Variants in TECPR1 observed in about 807,000 individuals in gnomAD.
The protein encoded by TECPR1 is tectonin beta-propeller repeat containing 1.
TECPR1 carries 122 observed loss-of-function variants against 162.4 expected under a neutral mutation model. That is an observed-to-expected ratio of 0.75 (90% CI 0.65 to 0.87). The LOEUF is 0.87. TECPR1 is among the 40% of genes least tolerant of loss of function. The pLI, the probability that TECPR1 is intolerant of heterozygous loss-of-function variation, is 0.00. For synonymous variants in TECPR1, 642 were observed against 670.6 expected (o/e 0.96, Z 0.66); for missense variants, 1,432 against 1,618.2 (o/e 0.88, Z 1.97).
chr7:98,243,502 G>A lies in TECPR1; in HGVS notation c.622C>T (p.Arg208Cys), dbSNP rs2116621528. The A allele has an allele frequency of 3.7e-6, 6 of 1,612,648 alleles. No individual in the cohort carries two copies. The highest frequency in any genetic ancestry group is 1.7e-4 in the Middle Eastern group (1 of 6,046). ...GWEITEEPVG[R>C]LSVWAVSLQG... ...AGAGACACAGCCCACACTGACAGGC[G>A]GCCCACAGGCTCCTCCGTGATCTCC... is the stretch of plus-strand genomic sequence containing the variant. The change falls in exon 6 of 26, where the codon CGC (arginine) becomes TGC (cysteine). Residue 208 changes from arginine (R) to cysteine (C), a missense_variant. Transcript: ENST00000447648.
chr7:98,224,336 C>T (rs964043505), intron 19 of TECPR1, among the ~76,000 whole-genome samples: 1 of 152,172 alleles, frequency 6.6e-6, no homozygotes, highest in Admixed American at 6.5e-5. Context: ...TGCATCTCTC[C>T]GAGGGGCTCA....
chr7:98,243,750 C>A (rs1022569597), intron 5 of TECPR1, among the ~76,000 whole-genome samples, 158 bp from the exon 6 acceptor site: 7 of 152,184 alleles, frequency 4.6e-5, no homozygotes, highest in African/African-American at 1.7e-4. Flanking sequence ...TGTGGGGGCC[C>A]CTGCCCGGCT....
intron 6 of TECPR1, among the ~76,000 whole-genome samples, chr7:98,242,570 C>A (rs1460847650): frequency 6.6e-6 from 1 of 150,674 alleles, no homozygotes; most frequent in Non-Finnish European, 1.5e-5. Flanking sequence ...ACACACCCAC[C>A]CACCCATCCA....
Position 98,217,498 on chromosome 7 carries a change from G to T in TECPR1, c.3390C>A (p.Gly1130=). 6.2e-7 allele frequency: 1 copy of T among 1,603,576 alleles called. No individual in the cohort carries two copies. The change falls in exon 26 of 26, where the codon GGC becomes GGA. Residue 1130 remains glycine (G), a synonymous_variant. Transcript: ENST00000447648. ...TGGCCCGGACAGAGATATGGTCCCA[G>T]CCTCCCTGGAAGGAGAGAGCTGTGT... ...GHGWDYGIGG[G]WDHISVRANA...
Position 98,232,812 on chromosome 7 carries a change from C to A in TECPR1, c.1818+15G>T, listed in dbSNP as rs767766028. ...AAAAAAAAAAAAATGCATGCGCAGC[C>A]ACCGGGGCACCCACCTGCTCCACGG... On this transcript the variant is annotated intron_variant, in intron 12 of 25. Transcript: ENST00000447648. This position sits in a 1 kb window ranked among gnomAD's most constrained non-coding sequence, Gnocchi z 4.6. The A allele has an allele frequency of 6.4e-7, 1 of 1,557,142 alleles. No homozygotes were observed. Among genetic ancestry groups the A allele is most frequent in the South Asian group, 1.2e-5 (1 of 82,662 alleles).
chr7:98,236,843 A>G lies in TECPR1; in HGVS notation c.1114T>C (p.Trp372Arg). Residue 372 changes from tryptophan to arginine, a missense_variant, in exon 10 of 26, where the codon TGG (tryptophan) becomes CGG (arginine). By Grantham distance (101) the Trp-to-Arg change is moderately radical (BLOSUM62 -3). Transcript: ENST00000447648. The stretch of plus-strand genomic sequence containing the variant: ...TCTCGGGCCGCGATGATGGCTTTCC[A>G]GGTCTTCCCACTGAGCTCGCTGGGG... ...VTPSELSGKT[W>R]KAIIAARECD... 1.3e-6 allele frequency: 2 copies of G among 1,586,228 alleles called. No homozygotes were observed. The highest frequency in any genetic ancestry group is 8.6e-7 in the Non-Finnish European group (1 of 1,169,112).
At chr7:98,237,726 C>G (rs1442314043) in intron 9 of TECPR1, among the ~76,000 whole-genome samples, 1 of 151,934 alleles carries the variant, frequency 6.6e-6, no homozygotes. Flanking sequence ...ACTTCACCCT[C>G]CCAAAGTGCT....
chr7:98,230,638 C>T (rs1362202082), intron 15 of TECPR1, among the ~76,000 whole-genome samples: 1 of 152,126 alleles, frequency 6.6e-6, no homozygotes, highest in Non-Finnish European at 1.5e-5. Context: ...GGTGGAGAGA[C>T]GTGGCTGCTT....
In TECPR1 at chr7:98,232,795, AAAAAT is replaced by A. The variant is rs1798478823; in HGVS notation, c.1818+27_1818+31del. On this transcript the variant is annotated intron_variant, in intron 12 of 25. Transcript: ENST00000447648. The surrounding 1 kb of genome is among the most constrained non-coding windows in gnomAD (Gnocchi z 4.6). ...AATGAATGATTGCTGGAAAAAAAAA[AAAAAT>A]GCATGCGCAGCCACCGGGGCACCCA... The A allele has an allele frequency of 6.6e-7, 1 of 1,510,084 alleles. No individual in the cohort carries two copies. Among genetic ancestry groups the A allele is most frequent in the East Asian group, 2.4e-5 (1 of 41,274 alleles). The allele number at this position is 1,510,084 out of a possible 1,614,324, so 93.5% of individuals were successfully genotyped here. A position where few individuals can be genotyped will look rare whatever the true frequency, so the allele number is the denominator to read the frequency against.
At position 98,232,024 on chromosome 7, in the gene TECPR1, G is replaced by A; in HGVS notation, c.1819-65C>T. ...CCGGGGTGCCAGGGGAGGAGGGCGG[G>A]GCTGGGGGTGCCCAGAGGAGGAGGC... On this transcript the variant is annotated intron_variant, in intron 12 of 25. Transcript: ENST00000447648. This position sits in a 1 kb window ranked among gnomAD's most constrained non-coding sequence, Gnocchi z 4.6. The A allele has an allele frequency of 1.3e-6, 2 of 1,521,224 alleles. No individual in the cohort carries two copies. Among genetic ancestry groups the A allele is most frequent in the South Asian group, 1.2e-5 (1 of 84,290 alleles). The allele number at this position is 1,521,224 out of a possible 1,614,324, so 94.2% of individuals were successfully genotyped here.
At chr7:98,250,166 G>C (rs766211393) in intron 2 of TECPR1, among the ~76,000 whole-genome samples, 43 of 152,182 alleles carry the variant, frequency 2.8e-4, no homozygotes, top group Non-Finnish European at 5.9e-4. Flanking sequence ...GATAAAGCAA[G>C]TAAAGTGTCA....
chr7:98,233,136 C>G (rs1798494464), intron 11 of TECPR1, 164 bp from the exon 12 acceptor site: 2 of 871,722 alleles, frequency 2.3e-6, no homozygotes, highest in Admixed American at 6.6e-5. Flanking sequence ...TTGCTCTCCC[C>G]CAGTAATTCA....
chr7:98,222,551 C>A, intron 21 of TECPR1, 30 bp from the exon 22 acceptor site: 2 of 1,550,572 alleles, frequency 1.3e-6, no homozygotes, highest in Middle Eastern at 2.2e-4. Flanking sequence ...GCGCTGAGGT[C>A]ACCAGGGCCC....
In TECPR1 at chr7:98,233,269, G is replaced by A. The variant is rs527550947; in HGVS notation, c.1672+152C>T. ...TGGTCTCTGGAGGCCACAGAGGAGC[G>A]CAATGCCTGGCTCAGAGCTGCTGAG... On this transcript the variant is annotated intron_variant, in intron 11 of 25. Coordinates refer to ENST00000447648, the MANE Select transcript of TECPR1 (RefSeq NM_015395.3). 74 of 1,094,642 alleles carry A rather than the reference G, an allele frequency of 6.8e-5. 1 individual carries two copies. Among genetic ancestry groups the A allele is most frequent in the African/African-American group, 3.0e-4 (19 of 62,654 alleles). The allele number at this position is 1,094,642 out of a possible 1,614,324, so 67.8% of individuals were successfully genotyped here.
chr7:98,242,039 C>T lies in TECPR1; in HGVS notation c.658-795G>A, dbSNP rs1431638439. Among the ~76,000 whole-genome samples the T allele has an allele frequency of 5.3e-5, 8 of 152,234 alleles. 1 individual carries two copies. Among genetic ancestry groups the T allele is most frequent in the Admixed American group, 2.6e-4 (4 of 15,292 alleles). The stretch of plus-strand genomic sequence containing the variant: ...TCTTTGCATCCAGATGGCCATGGCC[C>T]CCCGATGGGGGCTCAGTCCTGGGGC... On this transcript the variant is annotated intron_variant, in intron 6 of 25. Coordinates refer to ENST00000447648, the MANE Select transcript of TECPR1 (RefSeq NM_015395.3).
At chr7:98,233,934 C>A (rs1188925166) in intron 10 of TECPR1, 23 bp from the exon 11 acceptor site, 1 of 1,495,300 alleles carries the variant, frequency 6.7e-7, no homozygotes. Context: ...CAGGGCAGAC[C>A]CATCACTCCC....
intron 17 of TECPR1, chr7:98,226,344 G>A: frequency 1.5e-6 from 1 of 655,650 alleles, no homozygotes. Flanking sequence ...TTTACACACA[G>A]GGACATCCTT....
chr7:98,235,359 A>G (rs1186677973), intron 10 of TECPR1, among the ~76,000 whole-genome samples: 1 of 152,032 alleles, frequency 6.6e-6, no homozygotes, highest in Admixed American at 6.6e-5. Context: ...CCTGATCTCT[A>G]CTAAAAATAC....
In TECPR1 at chr7:98,217,969, G is replaced by A. The variant is rs765578656; in HGVS notation, c.3231C>T (p.Asn1077=). ...GGGGCCCCACGGACACTCGGCACAC[G>A]TTGTTGGACACGTGCTCCCAGCTGG... The part of the protein sequence containing the change: ...QGSSWEHVSN[N]VCRVSVGPLD... The change falls in exon 24 of 26, where the codon AAC becomes AAT. Residue 1077 remains asparagine (N), a synonymous_variant. Coordinates refer to ENST00000447648, the MANE Select transcript of TECPR1 (RefSeq NM_015395.3). 1.9e-5 allele frequency: 29 copies of A among 1,562,108 alleles called. No individual in the cohort carries two copies. Among genetic ancestry groups the A allele is most frequent in the South Asian group, 5.9e-5 (5 of 84,720 alleles).
Sources: allele counts gnomAD v4.1 joint callset (sites outside exome capture counted in the v4.1 genomes callset), GRCh38; gene constraint gnomAD v4.1.1; non-coding constraint Gnocchi (gnomAD v3.1); transcripts MANE v1.5; gene names NCBI Gene and HGNC (gene_info 2026-07-23, HGNC 2026-07-21).